PITRM1: variants seen among roughly 807,000 people sequenced by gnomAD.
PITRM1 encodes presequence protease, mitochondrial.
PITRM1 carries 100 observed loss-of-function variants against 129.9 expected under a neutral mutation model. The observed-to-expected ratio is 0.77, with a 90% confidence interval of 0.65 to 0.91. The LOEUF is 0.91. Ranked by LOEUF, PITRM1 falls within the 40% of genes least tolerant of loss-of-function variation. PITRM1 has a pLI of 0.00. For synonymous variants in PITRM1, 591 were observed against 508.8 expected (o/e 1.16, Z -2.17); for missense variants, 1,471 against 1,318.3 (o/e 1.12, Z -1.79).
intron 20 of PITRM1, chr10:3,146,074 A>G (rs775945373): frequency 3.6e-4 from 70 of 192,776 alleles, no homozygotes; most frequent in Non-Finnish European, 6.0e-4. Flanking sequence ...ATTACTGTCC[A>G]GAAGTCATCA....
intron 1 of PITRM1, among the ~76,000 whole-genome samples, chr10:3,170,653 AG>A (rs36119202): frequency 2.6e-5 from 4 of 152,226 alleles, no homozygotes; most frequent in African/African-American, 9.7e-5. Flanking sequence ...ACACTGCTAC[AG>A]GGAGTACAAA....
chr10:3,145,966 C>T (rs564664238), intron 20 of PITRM1: 2 of 468,168 alleles, frequency 4.3e-6, no homozygotes, highest in Non-Finnish European at 7.7e-6. Flanking sequence ...TGACTCTAAA[C>T]TCTAGTTCTT....
intron 23 of PITRM1, chr10:3,143,170 G>A (rs1271089762): frequency 1.8e-6 from 1 of 568,026 alleles, no homozygotes; most frequent in Non-Finnish European, 3.2e-6. Context: ...CTCAATAATA[G>A]AAATTGTTTA....
chr10:3,149,988 T>A (rs1239883839), intron 15 of PITRM1, among the ~76,000 whole-genome samples: 2 of 151,998 alleles, frequency 1.3e-5, no homozygotes, highest in Admixed American at 1.3e-4. Flanking sequence ...ACCACGAACT[T>A]CTGGTCTCAT....
At position 3,145,582 on chromosome 10, in the gene PITRM1, C is replaced by T. The variant is rs1326429919; in HGVS notation, c.2457+14G>A. On this transcript the variant is annotated intron_variant, in intron 21 of 26. Coordinates refer to ENST00000224949, the MANE Select transcript of PITRM1 (RefSeq NM_014889.4). ...ACCAGGCGCTCACCGGGCGCCAGCA[C>T]CACCAGTGCATACCTCGACCGTGTG... is the stretch of plus-strand genomic sequence containing the variant. 9.7e-6 allele frequency: 15 copies of T among 1,548,598 alleles called. No homozygotes were observed. In the East Asian group the frequency reaches 1.7e-4, roughly 18 times the overall value.
chr10:3,145,313 C>T (rs1473048619), intron 21 of PITRM1: 7 of 387,186 alleles, frequency 1.8e-5, no homozygotes, highest in South Asian at 9.5e-5. Flanking sequence ...CCTCTGCCAG[C>T]GTATTCCAGC....
chr10:3,159,904 T>G lies in PITRM1; in HGVS notation c.951A>C (p.Ser317=), dbSNP rs763611395. The change falls in exon 9 of 27, where the codon TCA becomes TCC. Residue 317 remains serine, a synonymous_variant. Transcript: ENST00000224949. ...REFQITCGPD[S]FATDPSKQTT... The stretch of plus-strand genomic sequence containing the variant: ...TTTGTTTAGAGGGATCTGTAGCAAA[T>G]GAATCCGGGCCACATGTTATCTGGA... 3.1e-6 allele frequency: 5 copies of G among 1,604,764 alleles called. No homozygotes were observed. Among genetic ancestry groups the G allele is most frequent in the Non-Finnish European group, 4.3e-6 (5 of 1,174,886 alleles).
rs1427949187 is a variant in PITRM1, at chr10:3,159,789, T to C, written c.1007+59A>G. ...TTGTAGAACTCACTTCCGAACCTTCTAATAGGAACATTTTCCTCATGTTTT... is the reference window on the plus strand; with the variant it reads ...TTGTAGAACTCACTTCCGAACCTTCCAATAGGAACATTTTCCTCATGTTTT... On this transcript the variant is annotated intron_variant, in intron 9 of 26. Transcript: ENST00000224949. 5.9e-6 allele frequency: 6 copies of C among 1,012,250 alleles called. No individual in the cohort carries two copies. In the East Asian group the frequency reaches 1.5e-4, roughly 26 times the overall value. 62.7% of individuals were successfully genotyped at this position (1,012,250 alleles called of 1,614,324 possible).
At chr10:3,164,727 T>C (rs1842721852) in intron 6 of PITRM1, among the ~76,000 whole-genome samples, 1 of 152,258 alleles carries the variant, frequency 6.6e-6, no homozygotes, top group Admixed American at 6.5e-5. Context: ...TTCATTAAGG[T>C]AAGCCATCAT....
At chr10:3,148,331 T>C (rs1446426208) in intron 16 of PITRM1, 40 bp from the exon 17 acceptor site, 10 of 1,548,022 alleles carry the variant, frequency 6.5e-6, no homozygotes, top group Non-Finnish European at 8.7e-6. Flanking sequence ...TACAAGTCAG[T>C]CTTTACTGAA....
chr10:3,144,740 G>C (rs1030392060), intron 21 of PITRM1, among the ~76,000 whole-genome samples: 4 of 152,106 alleles, frequency 2.6e-5, no homozygotes, highest in Non-Finnish European at 5.9e-5. Flanking sequence ...AGGAGGTCAC[G>C]GCTACAGCTA....
In PITRM1 at chr10:3,145,697, G is replaced by T; in HGVS notation, c.2356C>A (p.Pro786Thr). ...TTTTCTGTCTGAGGCATCTGCTGAG[G>T]AGTCGCATTCACTGAACACCTGTTT... ...DNMRCSVNATPQQMPQTEKAV... is the reference protein window; with the variant it reads ...DNMRCSVNATTQQMPQTEKAV... Residue 786 changes from proline to threonine, a missense_variant, in exon 21 of 27, where the codon CCT (proline) becomes ACT (threonine). Physicochemically the swap from Pro to Thr is conservative, Grantham distance 38. Transcript: ENST00000224949. 6.4e-7 allele frequency: 1 copy of T among 1,550,494 alleles called. No homozygotes were observed. The highest frequency in any genetic ancestry group is 8.7e-7 in the Non-Finnish European group (1 of 1,145,838).
intron 3 of PITRM1, among the ~76,000 whole-genome samples, chr10:3,166,703 G>A (rs1170521961): frequency 6.6e-6 from 1 of 152,188 alleles, no homozygotes. Flanking sequence ...CAGCCCGCAT[G>A]CTCAGGATGG....
At position 3,157,550 on chromosome 10, in the gene PITRM1, A is replaced by G; in HGVS notation, c.1251-19T>C. 6.8e-7 allele frequency: 1 copy of G among 1,480,906 alleles called. No homozygotes were observed. Among genetic ancestry groups the G allele is most frequent in the Admixed American group, 1.7e-5 (1 of 57,586 alleles). 91.7% of individuals were successfully genotyped at this position (1,480,906 alleles called of 1,614,324 possible). A position where few individuals can be genotyped will look rare whatever the true frequency, so the allele number is the denominator to read the frequency against. On this transcript the variant is annotated intron_variant, in intron 11 of 26. Transcript: ENST00000224949. ...TCCTTTCCTAAAGAATACAATGAAG[A>G]ACAAAGATGGGCCAGACACAATGGC...
chr10:3,171,139 C>A (rs544380410), intron 1 of PITRM1, among the ~76,000 whole-genome samples: 1 of 56,210 alleles, frequency 1.8e-5, no homozygotes. Context: ...GCGGACTAAT[C>A]GTTCAATTAA....
intron 13 of PITRM1, 36 bp downstream of exon 13, chr10:3,156,894 T>C: frequency 7.1e-7 from 1 of 1,400,680 alleles, no homozygotes; most frequent in South Asian, 1.5e-5. Context: ...AAATTCAACT[T>C]CAAAATTAGA....
intron 13 of PITRM1, among the ~76,000 whole-genome samples, chr10:3,156,679 T>G (rs1020591255): frequency 6.7e-6 from 1 of 149,270 alleles, no homozygotes; most frequent in African/African-American, 2.5e-5. Flanking sequence ...TATGCAGATG[T>G]TTTGTTCATA....
rs543675507 is a variant in PITRM1 at position 3,140,691 on chromosome 10, A to G, written c.2767T>C (p.Tyr923His). 1.1e-5 allele frequency: 17 copies of G among 1,599,148 alleles called. No individual in the cohort carries two copies. The highest frequency in any genetic ancestry group is 1.5e-5 in the Non-Finnish European group (17 of 1,172,302). The change falls in exon 24 of 27, where the codon TAC (tyrosine) becomes CAC (histidine). Residue 923 changes from tyrosine (Y) to histidine (H), a missense_variant. By Grantham distance (83) the Tyr-to-His change is moderately conservative (BLOSUM62 2). Coordinates refer to ENST00000224949, the MANE Select transcript of PITRM1 (RefSeq NM_014889.4). The stretch of plus-strand genomic sequence containing the variant: ...GTGAACTAGAGCAAAACTCACCTGT[A>G]AGAGTAAAGGGTGAAAATCCCATTG... ...SHNGIFTLYSYRDPNTIETLQ... is the reference protein window; with the variant it reads ...SHNGIFTLYSHRDPNTIETLQ...
intron 12 of PITRM1, 115 bp from the exon 13 acceptor site, chr10:3,157,179 A>G: frequency 1.0e-6 from 1 of 979,848 alleles, no homozygotes; most frequent in East Asian, 2.8e-5. Context: ...ACCACAGATG[A>G]TTGTTTATAA....
Sources: gnomAD v4.1 joint callset for allele counts (sites outside exome capture counted in the v4.1 genomes callset) on GRCh38, gnomAD v4.1.1 for gene constraint, MANE v1.5 for transcripts, NCBI Gene and HGNC (gene_info 2026-07-23, HGNC 2026-07-21) for gene names.